GMDS: variants seen among roughly 807,000 people sequenced by gnomAD.
The protein encoded by GMDS is GDP-mannose 4,6-dehydratase, also known as GDP-mannose 4,6 dehydratase.
Under a neutral mutation model 49.9 loss-of-function variants are expected in GMDS, and 20 were observed. The ratio of observed to expected loss-of-function variants is 0.40; its 90% CI spans 0.28 to 0.58. The LOEUF (loss-of-function observed/expected upper bound fraction) is 0.58. GMDS is among the 20% of genes least tolerant of loss of function. The probability of loss-of-function intolerance (pLI) is 0.42; values close to 1 mark genes in which losing one functional copy is unlikely to be tolerated. For missense variants in GMDS, 362 were observed against 481.4 expected, an observed-to-expected ratio of 0.75 and a Z score of 2.32; for synonymous variants, 177 against 178.6, an observed-to-expected ratio of 0.99 and a Z score of 0.07.
chr6:1,819,046 A>T (rs1009576405), intron 7 of GMDS, among the ~76,000 whole-genome samples: 1 of 151,172 alleles, frequency 6.6e-6, no homozygotes, highest in African/African-American at 2.5e-5. Context: ...ACACACACAC[A>T]TACACACACT....
At chr6:1,737,849 GCA>G (rs756418134) in intron 8 of GMDS, among the ~76,000 whole-genome samples, 8,069 of 102,242 alleles carry the variant, frequency 0.079, 297 homozygotes, top group Middle Eastern at 0.15. Context: ...ACAGATACGC[GCA>G]CAGATATGCA....
In GMDS at chr6:1,945,171, T is replaced by C. The variant is rs138525225; in HGVS notation, c.643+14696A>G. Among the ~76,000 whole-genome samples the C allele has an allele frequency of 1.6e-4, 25 of 152,154 alleles. No individual in the cohort carries two copies. The East Asian group carries it at 4.1e-3, about 25-fold the overall frequency. On this transcript the variant is annotated intron_variant, in intron 6 of 10. Transcript: ENST00000380815. ...TACAATATAAAGTAATACTAAGGAA[T>C]GAAAAATGCAAGGAAGAGAAATTAT...
intron 7 of GMDS, among the ~76,000 whole-genome samples, chr6:1,815,480 G>A (rs541352669): frequency 6.6e-6 from 1 of 152,254 alleles, no homozygotes; most frequent in Non-Finnish European, 1.5e-5. Context: ...CCCTAGACCT[G>A]CGCAACAGCC....
At chr6:1,719,735 T>C (rs1052519021) in intron 9 of GMDS, among the ~76,000 whole-genome samples, 1 of 152,210 alleles carries the variant, frequency 6.6e-6, no homozygotes, top group African/African-American at 2.4e-5. Context: ...GGATCTCTCA[T>C]AAGTAATTCT....
rs183200230 is a variant in GMDS at position 2,209,357 on chromosome 6, G to A, written c.102+35964C>T. Among the ~76,000 whole-genome samples, 422 of 152,336 alleles carry A rather than the reference G, an allele frequency of 2.8e-3. 1 individual carries two copies. Among genetic ancestry groups the A allele is most frequent in the Non-Finnish European group, 4.8e-3 (329 of 68,034 alleles). On this transcript the variant is annotated intron_variant, in intron 1 of 10. Coordinates refer to ENST00000380815, the MANE Select transcript of GMDS (RefSeq NM_001500.4). ...TGAACACAATGTACTCTGCAGATCT[G>A]ATGTTTTAAGCAGCCTCAGCTCAAT...
chr6:2,216,161 C>T (rs1257067914), intron 1 of GMDS, among the ~76,000 whole-genome samples: 2 of 152,088 alleles, frequency 1.3e-5, no homozygotes, highest in East Asian at 1.9e-4. Flanking sequence ...GGGAATAGGA[C>T]AGCATATAGA....
chr6:2,187,036 G>A (rs545764798), intron 1 of GMDS, among the ~76,000 whole-genome samples: 54 of 152,202 alleles, frequency 3.5e-4, no homozygotes, highest in Non-Finnish European at 5.4e-4. Flanking sequence ...TTAGTCAATC[G>A]TATTTCCTAT....
intron 9 of GMDS, among the ~76,000 whole-genome samples, chr6:1,686,982 T>TC (rs1439506706): frequency 2.6e-5 from 4 of 152,170 alleles, no homozygotes; most frequent in African/African-American, 9.7e-5. Flanking sequence ...TTCCAAAACT[T>TC]CATTTCCTGC....
chr6:1,672,657 A>G (rs558161895), intron 9 of GMDS, among the ~76,000 whole-genome samples: 60 of 152,358 alleles, frequency 3.9e-4, no homozygotes, highest in African/African-American at 1.4e-3. Flanking sequence ...GTACAGAGAG[A>G]AAACCTGTTT....
At chr6:1,772,775 C>T (rs73716376) in intron 7 of GMDS, among the ~76,000 whole-genome samples, 30 of 152,308 alleles carry the variant, frequency 2.0e-4, no homozygotes, top group African/African-American at 6.5e-4. Context: ...GACTCAGGGT[C>T]GCTTCGCTTC....
intron 7 of GMDS, among the ~76,000 whole-genome samples, chr6:1,886,806 T>C (rs1253955423): frequency 6.6e-6 from 1 of 152,230 alleles, no homozygotes; most frequent in Non-Finnish European, 1.5e-5. Flanking sequence ...AGGCTTTAAT[T>C]TGAAAAATGA....
chr6:2,058,507 CTCA>C (rs1451515391), intron 4 of GMDS, among the ~76,000 whole-genome samples: 3 of 152,104 alleles, frequency 2.0e-5, no homozygotes, highest in African/African-American at 7.2e-5. Context: ...AGCCAAAACC[CTCA>C]TGAGAGTGTA....
intron 9 of GMDS, among the ~76,000 whole-genome samples, chr6:1,638,372 G>A (rs1763226750): frequency 6.6e-6 from 1 of 152,182 alleles, no homozygotes. Context: ...CTTTGATTTG[G>A]TTAATTAACG....
chr6:2,216,235 T>C (rs1780328067), intron 1 of GMDS, among the ~76,000 whole-genome samples: 1 of 152,226 alleles, frequency 6.6e-6, no homozygotes, highest in Non-Finnish European at 1.5e-5. Context: ...GGAGTTACAA[T>C]GAAAGATATT....
intron 7 of GMDS, among the ~76,000 whole-genome samples, chr6:1,757,540 T>C (rs983561046): frequency 6.6e-6 from 1 of 152,198 alleles, no homozygotes; most frequent in Non-Finnish European, 1.5e-5. Flanking sequence ...CCTAAATCTG[T>C]TCCTGGGAAG....
intron 7 of GMDS, among the ~76,000 whole-genome samples, chr6:1,886,660 C>A (rs1167917167): frequency 6.6e-6 from 1 of 152,038 alleles, no homozygotes; most frequent in Non-Finnish European, 1.5e-5. Flanking sequence ...CAATATTTAT[C>A]TTATATTTAT....
chr6:1,973,844 C>T (rs903914837), intron 4 of GMDS, among the ~76,000 whole-genome samples: 1 of 152,170 alleles, frequency 6.6e-6, no homozygotes, highest in African/African-American at 2.4e-5. Context: ...GCTTCAATGA[C>T]TGAGACGCCA....
chr6:2,152,067 A>G (rs1038866458), intron 1 of GMDS, among the ~76,000 whole-genome samples: 4 of 152,192 alleles, frequency 2.6e-5, no homozygotes, highest in African/African-American at 9.6e-5. Flanking sequence ...CGACAGGTCA[A>G]TGTCATAAAC....
At chr6:2,068,542 T>C (rs1482153288) in intron 4 of GMDS, among the ~76,000 whole-genome samples, 1 of 152,116 alleles carries the variant, frequency 6.6e-6, no homozygotes, top group African/African-American at 2.4e-5. Context: ...AAAATCTCCT[T>C]AAGCTGATAA....
Sources: gnomAD v4.1 joint callset for allele counts (sites outside exome capture counted in the v4.1 genomes callset) on GRCh38, gnomAD v4.1.1 for gene constraint, MANE v1.5 for transcripts, NCBI Gene and HGNC (gene_info 2026-07-23, HGNC 2026-07-21) for gene names.